SMAD2: variants seen among roughly 807,000 people sequenced by gnomAD.
SMAD2 encodes the protein SMAD family member 2.
In SMAD2, 8 loss-of-function variants were observed where a neutral mutation model predicts 64.4. The observed-to-expected ratio is 0.12, with a 90% CI of 0.07 to 0.22. SMAD2 has a LOEUF of 0.22. Among genes scored for constraint, SMAD2 ranks in the 10% least tolerant of loss-of-function variants. SMAD2 has a pLI of 1.00. For missense variants in SMAD2, 289 were observed against 561.2 expected (o/e 0.51, Z 4.90); for synonymous variants, 203 against 195.8 (o/e 1.04, Z -0.31).
At position 47,827,737 on chromosome 18, in the gene SMAD2, CT is replaced by C; in HGVS notation, c.*14089del. 5.8e-6 allele frequency: 1 copy of C among 171,376 alleles called. No individual in the cohort carries two copies. The highest frequency in any genetic ancestry group is 1.2e-5 in the Non-Finnish European group (1 of 82,606). 10.6% of individuals were successfully genotyped at this position (171,376 alleles called of 1,614,324 possible). ...CCGCGCATGATCTGCCCGCCTGGGC[CT>C]CCCGAGGTGCTGGGATTGCAGATGG... On this transcript the variant is annotated 3_prime_UTR_variant, in exon 11 of 11. Coordinates refer to ENST00000262160, the MANE Select transcript of SMAD2 (RefSeq NM_005901.6).
intron 1 of SMAD2, among the ~76,000 whole-genome samples, chr18:47,901,592 G>A (rs918041591): frequency 4.0e-5 from 6 of 151,280 alleles, no homozygotes; most frequent in Non-Finnish European, 7.4e-5. Flanking sequence ...TTTTCTTTTA[G>A]TGGTTACCCT....
chr18:47,869,892 C>G (rs1252242710), intron 3 of SMAD2, among the ~76,000 whole-genome samples: 2 of 152,120 alleles, frequency 1.3e-5, no homozygotes, highest in Non-Finnish European at 2.9e-5. Context: ...CCTCAGACTA[C>G]TGCAACTCTT....
rs1432898215 is a variant in SMAD2 at position 47,817,450 on chromosome 18, T to C, written c.*24377A>G. 1 of 152,234 alleles carries C rather than the reference T, an allele frequency of 6.6e-6. No individual in the cohort carries two copies. Among genetic ancestry groups the C allele is most frequent in the African/African-American group, 2.4e-5 (1 of 41,466 alleles). 9.4% of individuals were successfully genotyped at this position (152,234 alleles called of 1,614,324 possible). A position where few individuals can be genotyped will look rare whatever the true frequency, so the allele number is the denominator to read the frequency against. ...ATATAAAGACAAGTGTCCCTCTGGT[T>C]TGAGTACTCTGGATTTAAAAACAAT... On this transcript the variant is annotated 3_prime_UTR_variant, in exon 11 of 11. Coordinates refer to ENST00000262160, the MANE Select transcript of SMAD2 (RefSeq NM_005901.6).
At chr18:47,884,255 T>C (rs762879983) in intron 2 of SMAD2, among the ~76,000 whole-genome samples, 2 of 152,162 alleles carry the variant, frequency 1.3e-5, no homozygotes, top group Non-Finnish European at 2.9e-5. Context: ...CCACATATAG[T>C]TCACACTTAT....
rs994940172 is a variant in SMAD2 at position 47,818,558 on chromosome 18, G to A, written c.*23269C>T. On this transcript the variant is annotated 3_prime_UTR_variant, in exon 11 of 11. Transcript: ENST00000262160. ...AAACAAAAACCCCTCATCCACAACT[G>A]CTAAAATGCTTCCCTGCCTGCACTG... 1 of 152,158 alleles carries A rather than the reference G, an allele frequency of 6.6e-6. No homozygotes were observed. Among genetic ancestry groups the A allele is most frequent in the Non-Finnish European group, 1.5e-5 (1 of 68,042 alleles). The allele number at this position is 152,158 out of a possible 1,614,324, so 9.4% of individuals were successfully genotyped here.
At chr18:47,901,335 A>C (rs1397248575) in intron 1 of SMAD2, among the ~76,000 whole-genome samples, 1 of 152,098 alleles carries the variant, frequency 6.6e-6, no homozygotes, top group African/African-American at 2.4e-5. Context: ...TATTTCCTTC[A>C]GTTAGCATTT....
chr18:47,874,065 A>G (rs1308402237), intron 2 of SMAD2, among the ~76,000 whole-genome samples: 1 of 152,216 alleles, frequency 6.6e-6, no homozygotes, highest in African/African-American at 2.4e-5. Flanking sequence ...ATAGAGATAC[A>G]GCATATTCAC....
intron 1 of SMAD2, among the ~76,000 whole-genome samples, chr18:47,927,189 C>G (rs1171051693): frequency 6.6e-6 from 1 of 152,178 alleles, no homozygotes; most frequent in Non-Finnish European, 1.5e-5. Flanking sequence ...AAGCTTAGCT[C>G]TACAAGTGTA....
At chr18:47,867,829 C>A (rs1187978453) in intron 5 of SMAD2, among the ~76,000 whole-genome samples, 1 of 151,946 alleles carries the variant, frequency 6.6e-6, no homozygotes, top group African/African-American at 2.4e-5. Context: ...GGTTTTCTGA[C>A]GTTCGTGTTA....
At position 47,860,927 on chromosome 18, in the gene SMAD2, TA is replaced by T. The variant is rs199832491; in HGVS notation, c.730+4131del. Among the ~76,000 whole-genome samples the T allele has an allele frequency of 8.7e-3, 1,319 of 152,202 alleles. 20 individuals carry two copies. The highest frequency in any genetic ancestry group is 0.03 in the African/African-American group (1,237 of 41,522). ...AAATATCCACAATTAACATCATACT[TA>T]AAGGGGGAATTGTGAAATGTGTTCT... On this transcript the variant is annotated intron_variant, in intron 6 of 10. Transcript: ENST00000262160.
At chr18:47,861,991 G>A (rs1220876543) in intron 6 of SMAD2, among the ~76,000 whole-genome samples, 1 of 152,168 alleles carries the variant, frequency 6.6e-6, no homozygotes, top group Non-Finnish European at 1.5e-5. Context: ...TTCAAACTCA[G>A]ATAGTCTAGC....
At chr18:47,887,596 A>C (rs1007678792) in intron 2 of SMAD2, among the ~76,000 whole-genome samples, 1 of 152,094 alleles carries the variant, frequency 6.6e-6, no homozygotes, top group Non-Finnish European at 1.5e-5. Context: ...AACTTCAACT[A>C]TTATGTCTTA....
chr18:47,891,166 A>G (rs950093157), intron 2 of SMAD2, among the ~76,000 whole-genome samples: 2 of 152,136 alleles, frequency 1.3e-5, no homozygotes, highest in Non-Finnish European at 1.5e-5. Context: ...TTAGACAGGC[A>G]TGGTGGCGCA....
At chr18:47,849,702 T>A (rs1914905073) in intron 7 of SMAD2, among the ~76,000 whole-genome samples, 1 of 152,084 alleles carries the variant, frequency 6.6e-6, no homozygotes. Context: ...TACAAATATT[T>A]GTTATACTGT....
rs1912341555 is a variant in SMAD2, at chr18:47,815,666, TGGA to T, written c.*26158_*26160del. ...AGCACGCAAGGGCAACTGCAGCAAATGGAGGGGTGATTTAGTAAGGAGGGGGTG... is the reference window on the plus strand; with the variant it reads ...AGCACGCAAGGGCAACTGCAGCAAATGGGGTGATTTAGTAAGGAGGGGGTG... On this transcript the variant is annotated 3_prime_UTR_variant, in exon 11 of 11. Transcript: ENST00000262160. 6.6e-6 allele frequency: 1 copy of T among 152,116 alleles called. No individual in the cohort carries two copies. Among genetic ancestry groups the T allele is most frequent in the Non-Finnish European group, 1.5e-5 (1 of 68,046 alleles). 9.4% of individuals were successfully genotyped at this position (152,116 alleles called of 1,614,324 possible). A position where few individuals can be genotyped will look rare whatever the true frequency, so the allele number is the denominator to read the frequency against.
rs1912190981 is a variant in SMAD2 at position 47,811,257 on chromosome 18, G to A, written c.*30570C>T. The stretch of plus-strand genomic sequence containing the variant: ...GAGGCTGAGGCGGGTGGATCACAAG[G>A]TCAGGAGATTGAGACCATCCTGGCT... On this transcript the variant is annotated 3_prime_UTR_variant, in exon 11 of 11. Coordinates refer to ENST00000262160, the MANE Select transcript of SMAD2 (RefSeq NM_005901.6). 1 of 152,186 alleles carries A rather than the reference G, an allele frequency of 6.6e-6. No individual in the cohort carries two copies. Among genetic ancestry groups the A allele is most frequent in the South Asian group, 2.1e-4 (1 of 4,822 alleles). 9.4% of individuals were successfully genotyped at this position (152,186 alleles called of 1,614,324 possible).
At chr18:47,862,973 C>T (rs1290242592) in intron 6 of SMAD2, among the ~76,000 whole-genome samples, 1 of 151,146 alleles carries the variant, frequency 6.6e-6, no homozygotes. Context: ...AAGTCTTGAC[C>T]AGCAAAATCT....
At position 47,861,650 on chromosome 18, in the gene SMAD2, G is replaced by A. The variant is rs143683310; in HGVS notation, c.730+3409C>T. Reference sequence around the variant, plus strand: ...GTTATAAGACTATTATCCTGAAGTTGTCAAACCTGACCCCTCATTTTTGAC... The same window carrying A: ...GTTATAAGACTATTATCCTGAAGTTATCAAACCTGACCCCTCATTTTTGAC... On this transcript the variant is annotated intron_variant, in intron 6 of 10. Transcript: ENST00000262160. Among the ~76,000 whole-genome samples the A allele has an allele frequency of 7.1e-4, 108 of 152,314 alleles. 1 individual carries two copies. The highest frequency in any genetic ancestry group is 2.5e-3 in the African/African-American group (102 of 41,578).
chr18:47,841,990 G>C (rs1568031620), intron 10 of SMAD2, 40 bp from the exon 11 acceptor site: 1 of 1,612,156 alleles, frequency 6.2e-7, no homozygotes, highest in African/African-American at 1.3e-5. Context: ...TGAAATTCAA[G>C]TCCACAGGCA....
Sources: allele counts gnomAD v4.1 joint callset (sites outside exome capture counted in the v4.1 genomes callset), GRCh38; gene constraint gnomAD v4.1.1; transcripts MANE v1.5; gene names NCBI Gene and HGNC (gene_info 2026-07-23, HGNC 2026-07-21).